COL14A1: variants seen among roughly 807,000 people sequenced by gnomAD.
The protein encoded by COL14A1 is collagen type XIV alpha 1 chain.
A neutral mutation model predicts 230.3 loss-of-function variants in COL14A1; 136 were observed. That is an observed-to-expected ratio of 0.59 (90% CI 0.51 to 0.68). The LOEUF is 0.68. COL14A1 is among the 30% of genes least tolerant of loss of function. COL14A1 has a pLI of 0.00. For missense variants in COL14A1, 1,976 were observed against 2,215.8 expected, an observed-to-expected ratio of 0.89 and a Z score of 2.17; for synonymous variants, 792 against 784.1, an observed-to-expected ratio of 1.01 and a Z score of -0.17.
intron 44 of COL14A1, among the ~76,000 whole-genome samples, chr8:120,342,989 C>T (rs6469917): frequency 0.51 from 77,534 of 152,064 alleles, 20,590 homozygotes; most frequent in African/African-American, 0.68. Flanking sequence ...CTTGCTCTGA[C>T]GTTTGATATG....
Position 120,300,817 on chromosome 8 carries a change from C to CA in COL14A1, c.4401dup (p.Gly1468ArgfsTer14), listed in dbSNP as rs762120652. On this transcript the variant is annotated frameshift_variant and splice_region_variant, in exon 36 of 48. Transcript: ENST00000297848. LOFTEE classifies it high-confidence loss of function. ...GTGGCTCTGGGACCAGCGGGCCCAC[C>CA]AGTAAGTCTTGCTGAGTTCAGCCTT... 1.2e-6 allele frequency: 2 copies of CA among 1,611,786 alleles called. No individual in the cohort carries two copies. Among genetic ancestry groups the CA allele is most frequent in the Admixed American group, 3.3e-5 (2 of 59,840 alleles).
At chr8:120,305,101 C>A (rs1296477752) in intron 36 of COL14A1, among the ~76,000 whole-genome samples, 2 of 152,008 alleles carry the variant, frequency 1.3e-5, no homozygotes, top group Non-Finnish European at 2.9e-5. Context: ...GCCTCAGCCT[C>A]CCGAGTAGCT....
intron 37 of COL14A1, 61 bp downstream of exon 37, chr8:120,310,123 A>G (rs1820988619): frequency 6.5e-7 from 1 of 1,544,694 alleles, no homozygotes; most frequent in African/African-American, 1.4e-5. Context: ...ATAAATAGCC[A>G]TCATTTTGGA....
At chr8:120,219,170 G>T (rs1310481505) in intron 14 of COL14A1, among the ~76,000 whole-genome samples, 1 of 152,074 alleles carries the variant, frequency 6.6e-6, no homozygotes, top group Non-Finnish European at 1.5e-5. Flanking sequence ...AGGTTGAAGT[G>T]CAGTAGTGTG....
chr8:120,255,157 T>G, intron 22 of COL14A1, 83 bp from the exon 23 acceptor site: 1 of 1,084,336 alleles, frequency 9.2e-7, no homozygotes, highest in Non-Finnish European at 1.4e-6. Flanking sequence ...TGAATGAAAA[T>G]TTTTCCAGAA....
At chr8:120,270,297 A>G (rs1356290928) in intron 26 of COL14A1, 123 bp downstream of exon 26, 3 of 1,003,064 alleles carry the variant, frequency 3.0e-6, no homozygotes, top group Non-Finnish European at 4.2e-6. Context: ...ACCTTAAATG[A>G]AAGGATAGAC....
chr8:120,212,823 A>T (rs1024308141), intron 13 of COL14A1, among the ~76,000 whole-genome samples: 2 of 152,210 alleles, frequency 1.3e-5, no homozygotes, highest in Admixed American at 1.3e-4. Context: ...CTTTGTCTAA[A>T]TTCAAATGCA....
At chr8:120,237,279 C>T (rs1472781788) in intron 19 of COL14A1, among the ~76,000 whole-genome samples, 3 of 152,120 alleles carry the variant, frequency 2.0e-5, no homozygotes, top group Non-Finnish European at 2.9e-5. Context: ...TTCACATTGT[C>T]CCATATTTCT....
chr8:120,255,471 C>A lies in COL14A1; in HGVS notation c.2869+115C>A. The A allele has an allele frequency of 4.9e-6, 4 of 811,624 alleles. No individual in the cohort carries two copies. In the Admixed American group the frequency reaches 7.4e-5, roughly 15 times the overall value. The allele number at this position is 811,624 out of a possible 1,614,324, so 50.3% of individuals were successfully genotyped here. ...GACAACAGCCCTCTTGTCAAGGAAG[C>A]AATTTGTATTGGTCAGTCATGCTGC... On this transcript the variant is annotated intron_variant, in intron 23 of 47. Transcript: ENST00000297848.
chr8:120,279,918 T>C lies in COL14A1; in HGVS notation c.3482-17T>C. The C allele has an allele frequency of 6.2e-7, 1 of 1,610,748 alleles. No individual in the cohort carries two copies. Among genetic ancestry groups the C allele is most frequent in the Non-Finnish European group, 8.5e-7 (1 of 1,178,048 alleles). ...ACAATTTAAAGTAATCGGAAATCTG[T>C]TCTCTGTCTGCCACAGGCTATAGCA... On this transcript the variant is annotated splice_polypyrimidine_tract_variant and intron_variant, in intron 28 of 47. Transcript: ENST00000297848.
At chr8:120,255,449 A>G in intron 23 of COL14A1, 93 bp downstream of exon 23, 1 of 959,842 alleles carries the variant, frequency 1.0e-6, no homozygotes, top group East Asian at 2.4e-5. Context: ...AGCATTAGAC[A>G]ACAGCCCTCT....
intron 1 of COL14A1, among the ~76,000 whole-genome samples, chr8:120,143,461 A>T (rs542228333): frequency 6.6e-6 from 1 of 152,248 alleles, no homozygotes; most frequent in East Asian, 1.9e-4. Context: ...TGCTAAAAAA[A>T]ATATAATACA....
At chr8:120,303,651 A>C (rs182132230) in intron 36 of COL14A1, among the ~76,000 whole-genome samples, 1 of 152,164 alleles carries the variant, frequency 6.6e-6, no homozygotes, top group African/African-American at 2.4e-5. Context: ...TATTTTGTTG[A>C]AGAATTTTGA....
chr8:120,180,520 C>T (rs1816426536), intron 5 of COL14A1, among the ~76,000 whole-genome samples: 1 of 152,066 alleles, frequency 6.6e-6, no homozygotes, highest in Non-Finnish European at 1.5e-5. Context: ...TATGGCTGGA[C>T]CTAGGGTCTC....
At chr8:120,181,507 G>T (rs548025539) in intron 5 of COL14A1, among the ~76,000 whole-genome samples, 1 of 152,204 alleles carries the variant, frequency 6.6e-6, no homozygotes, top group East Asian at 1.9e-4. Context: ...GGAGTGAAAA[G>T]TGAAAAATAT....
chr8:120,367,780 A>G (rs1179470616), intron 46 of COL14A1, among the ~76,000 whole-genome samples: 1 of 151,962 alleles, frequency 6.6e-6, no homozygotes, highest in African/African-American at 2.4e-5. Context: ...TACCAAAAAA[A>G]AAAAAATACA....
intron 45 of COL14A1, among the ~76,000 whole-genome samples, chr8:120,348,971 A>G (rs1313895314): frequency 6.6e-6 from 1 of 152,190 alleles, no homozygotes; most frequent in Non-Finnish European, 1.5e-5. Flanking sequence ...GAAAAACACT[A>G]TACCCTAATG....
At chr8:120,220,792 GTGA>G (rs1817908456) in intron 14 of COL14A1, among the ~76,000 whole-genome samples, 1 of 151,966 alleles carries the variant, frequency 6.6e-6, no homozygotes, top group African/African-American at 2.4e-5. Flanking sequence ...GGTGATGATG[GTGA>G]TGATAATGGT....
chr8:120,153,001 C>T (rs1452977312), intron 2 of COL14A1, among the ~76,000 whole-genome samples: 2 of 152,118 alleles, frequency 1.3e-5, no homozygotes, highest in African/African-American at 4.8e-5. Context: ...ATTTTCCTTA[C>T]AGCTGTTTTC....
Sources: gnomAD v4.1 joint callset for allele counts (sites outside exome capture counted in the v4.1 genomes callset) on GRCh38, gnomAD v4.1.1 for gene constraint, MANE v1.5 for transcripts, NCBI Gene and HGNC (gene_info 2026-07-23, HGNC 2026-07-21) for gene names.